Variants in RINT1 observed in about 807,000 individuals in gnomAD.
The protein encoded by RINT1 is RAD50-interacting protein 1.
A neutral mutation model predicts 97.7 loss-of-function variants in RINT1; 75 were observed. The observed-to-expected ratio is 0.77, with a 90% CI of 0.64 to 0.93. The LOEUF is 0.93. RINT1 is among the 40% of genes least tolerant of loss of function. The pLI, the probability that RINT1 is intolerant of heterozygous loss-of-function variation, is 0.00. For synonymous variants in RINT1, 303 were observed against 326.3 expected (o/e 0.93, Z 0.77); for missense variants, 892 against 925.2 (o/e 0.96, Z 0.47).
chr7:105,557,234 A>G (rs1224738764), intron 11 of RINT1, among the ~76,000 whole-genome samples: 1 of 151,824 alleles, frequency 6.6e-6, no homozygotes, highest in Non-Finnish European at 1.5e-5. Flanking sequence ...ACAGAAAGGT[A>G]AACAAGACAA....
Position 105,567,404 on chromosome 7 carries a change from A to G in RINT1, c.*93A>G, listed in dbSNP as rs1791815203. 1 of 855,166 alleles carries G rather than the reference A, an allele frequency of 1.2e-6. No homozygotes were observed. Among genetic ancestry groups the G allele is most frequent in the Non-Finnish European group, 1.9e-6 (1 of 532,998 alleles). 53.0% of individuals were successfully genotyped at this position (855,166 alleles called of 1,614,324 possible). On this transcript the variant is annotated 3_prime_UTR_variant, in exon 15 of 15. Coordinates refer to ENST00000257700, the MANE Select transcript of RINT1 (RefSeq NM_021930.6). ...TATATGATGAAATTCTGAATTAATG[A>G]AACTGGAAAACTTTATAGAATTACT...
rs760779859 is a variant in RINT1 at position 105,567,109 on chromosome 7, C to T, written c.2187-10C>T. On this transcript the variant is annotated splice_polypyrimidine_tract_variant and intron_variant, in intron 14 of 14. Transcript: ENST00000257700. ...AGATCTCATTTCCCTCCTTTGTTTT[C>T]CCTAAACAGTATAAAAGAAGCCTGT... 1 of 1,510,798 alleles carries T rather than the reference C, an allele frequency of 6.6e-7. No homozygotes were observed. The highest frequency in any genetic ancestry group is 8.8e-7 in the Non-Finnish European group (1 of 1,131,774). 93.6% of individuals were successfully genotyped at this position (1,510,798 alleles called of 1,614,324 possible).
At position 105,563,738 on chromosome 7, in the gene RINT1, T is replaced by G. The variant is rs2133463370; in HGVS notation, c.1677T>G (p.Phe559Leu). 2 of 1,611,650 alleles carry G rather than the reference T, an allele frequency of 1.2e-6. No individual in the cohort carries two copies. Among genetic ancestry groups the G allele is most frequent in the South Asian group, 2.2e-5 (2 of 90,286 alleles). ...VLADWADNVF[F>L]LQLQQAALEV... ...TAACATGTTTTTGCTTTCAGTTCTT[T>G]CTACAACTTCAACAGGCTGCACTGG... Residue 559 changes from phenylalanine to leucine, a missense_variant, in exon 12 of 15, where the codon TTT (phenylalanine) becomes TTG (leucine). Transcript: ENST00000257700.
At chr7:105,552,558 C>G (rs768384631) in intron 10 of RINT1, among the ~76,000 whole-genome samples, 17 of 152,084 alleles carry the variant, frequency 1.1e-4, no homozygotes, top group Non-Finnish European at 2.4e-4. Context: ...ACCCTCATTG[C>G]CACCATCCCT....
chr7:105,565,667 A>G lies in RINT1; in HGVS notation c.2186+19A>G, dbSNP rs1238282467. 1 of 1,443,034 alleles carries G rather than the reference A, an allele frequency of 6.9e-7. No homozygotes were observed. Among genetic ancestry groups the G allele is most frequent in the African/African-American group, 1.4e-5 (1 of 71,144 alleles). The allele number at this position is 1,443,034 out of a possible 1,614,324, so 89.4% of individuals were successfully genotyped here. A position where few individuals can be genotyped will look rare whatever the true frequency, so the allele number is the denominator to read the frequency against. ...TTAAACAGTAAGCTCAACATTTAAC[A>G]ATTAATATTAATGTATCAAATTGTT... On this transcript the variant is annotated intron_variant, in intron 14 of 14. Transcript: ENST00000257700.
chr7:105,551,934 G>A (rs1013564566), intron 10 of RINT1, among the ~76,000 whole-genome samples: 1 of 152,070 alleles, frequency 6.6e-6, no homozygotes, highest in African/African-American at 2.4e-5. Flanking sequence ...CAGTTGTGGT[G>A]GTGTGTGCCT....
rs1414090114 is a variant in RINT1, at chr7:105,563,832, G to GTCTT, written c.1773_1776dup (p.Asp593LeufsTer2). 16 of 1,614,040 alleles carry GTCTT rather than the reference G, an allele frequency of 9.9e-6. No homozygotes were observed. The highest frequency in any genetic ancestry group is 1.4e-5 in the Non-Finnish European group (16 of 1,179,938). ...ACAGCTAGCCTCTATGGAGAGCTCT[G>GTCTT]TCTTTGATGACATGATTAACCTCTT... is the stretch of plus-strand genomic sequence containing the variant. On this transcript the variant is annotated frameshift_variant, in exon 12 of 15. Transcript: ENST00000257700. LOFTEE classifies it high-confidence loss of function.
chr7:105,555,118 C>G lies in RINT1; in HGVS notation c.1562C>G (p.Thr521Arg). ...DLVDDFRIRL[T>R]QVMKEETRAS... ...GTAGATGATTTTAGGATACGATTAACACAAGTGATGAAAGAAGAGACTAGA... is the reference window on the plus strand; with the variant it reads ...GTAGATGATTTTAGGATACGATTAAGACAAGTGATGAAAGAAGAGACTAGA... The change falls in exon 11 of 15, where the codon ACA becomes AGA. Residue 521 changes from threonine (T) to arginine (R), a missense_variant. By Grantham distance (71) the Thr-to-Arg change is moderately conservative. Transcript: ENST00000257700. 6.2e-7 allele frequency: 1 copy of G among 1,613,988 alleles called. No individual in the cohort carries two copies. Among genetic ancestry groups the G allele is most frequent in the Non-Finnish European group, 8.5e-7 (1 of 1,179,946 alleles).
At chr7:105,544,606 T>C (rs1402437025) in intron 4 of RINT1, among the ~76,000 whole-genome samples, 2 of 151,908 alleles carry the variant, frequency 1.3e-5, no homozygotes, top group Admixed American at 1.3e-4. Context: ...AGCTAATTTT[T>C]GTATTTTTAG....
chr7:105,541,384 G>A (rs1306253232), intron 3 of RINT1, among the ~76,000 whole-genome samples: 1 of 150,956 alleles, frequency 6.6e-6, no homozygotes. Flanking sequence ...TGATCCGCCT[G>A]TCTTGGCCTC....
At position 105,539,355 on chromosome 7, in the gene RINT1, C is replaced by CTTT. The variant is rs56362601; in HGVS notation, c.273+2626_273+2628dup. Among the ~76,000 whole-genome samples the CTTT allele has an allele frequency of 4.1e-4, 54 of 131,660 alleles. 1 individual carries two copies. The highest frequency in any genetic ancestry group is 8.4e-4 in the African/African-American group (29 of 34,508). 86.4% of individuals were successfully genotyped at this position (131,660 alleles called of 152,430 possible). ...TGGTATCCATCCCATCTTTCCCACT[C>CTTT]TTTTTTTTTTTTTTTTTTTTTTGAG... is the stretch of plus-strand genomic sequence containing the variant. On this transcript the variant is annotated intron_variant, in intron 3 of 14. Coordinates refer to ENST00000257700, the MANE Select transcript of RINT1 (RefSeq NM_021930.6).
At chr7:105,556,034 A>G (rs1791165660) in intron 11 of RINT1, among the ~76,000 whole-genome samples, 1 of 152,128 alleles carries the variant, frequency 6.6e-6, no homozygotes, top group South Asian at 2.1e-4. Flanking sequence ...TAGAATAGGA[A>G]AATGAACTTC....
chr7:105,561,894 C>T (rs994421121), intron 11 of RINT1, among the ~76,000 whole-genome samples: 4 of 151,802 alleles, frequency 2.6e-5, no homozygotes, highest in African/African-American at 4.8e-5. Context: ...TCATGATTAC[C>T]GTACACAGAA....
intron 7 of RINT1, among the ~76,000 whole-genome samples, chr7:105,548,948 A>G (rs1246323611): frequency 6.6e-6 from 1 of 152,158 alleles, no homozygotes; most frequent in East Asian, 1.9e-4. Flanking sequence ...TTATCATTGC[A>G]AAACAAAGCA....
At chr7:105,534,546 C>T (rs1008389411) in intron 2 of RINT1, among the ~76,000 whole-genome samples, 4 of 149,440 alleles carry the variant, frequency 2.7e-5, no homozygotes, top group African/African-American at 7.3e-5. Context: ...GATTATTATA[C>T]GTTAATATTA....
intron 3 of RINT1, 74 bp from the exon 4 acceptor site, chr7:105,542,334 C>A: frequency 2.6e-6 from 3 of 1,143,896 alleles, no homozygotes; most frequent in South Asian, 1.6e-5. Flanking sequence ...GATCCCCTCT[C>A]AAAAAAAAAA....
intron 2 of RINT1, 122 bp downstream of exon 2, chr7:105,532,991 C>G (rs1790093985): frequency 1.1e-5 from 9 of 846,796 alleles, no homozygotes; most frequent in South Asian, 2.7e-5. Flanking sequence ...GCACAATATG[C>G]TTATATGGTA....
rs755970186 is a variant in RINT1, at chr7:105,536,560, TG to T, written c.89-4del. The stretch of plus-strand genomic sequence containing the variant: ...CGTTGAGTAATTGTTATTCTTTTGT[TG>T]TAGGTGACATAAATGTTACAGTTCT... On this transcript the variant is annotated splice_region_variant and splice_polypyrimidine_tract_variant and intron_variant, in intron 2 of 14. Transcript: ENST00000257700. 4 of 1,565,774 alleles carry T rather than the reference TG, an allele frequency of 2.6e-6. No homozygotes were observed. The highest frequency in any genetic ancestry group is 3.8e-5 in the Admixed American group (2 of 53,128).
intron 9 of RINT1, 38 bp downstream of exon 9, chr7:105,550,524 C>T (rs2133403158): frequency 7.0e-7 from 1 of 1,418,486 alleles, no homozygotes; most frequent in African/African-American, 1.4e-5. Context: ...GGAGATATGT[C>T]TGTTTCTGTG....
Sources: gnomAD v4.1 joint callset for allele counts (sites outside exome capture counted in the v4.1 genomes callset) on GRCh38, gnomAD v4.1.1 for gene constraint, MANE v1.5 for transcripts, NCBI Gene and HGNC (gene_info 2026-07-23, HGNC 2026-07-21) for gene names.